The following BRCA1 variants were observed in gnomAD, a reference collection of about 807,000 sequenced individuals.
BRCA1 encodes breast cancer type 1 susceptibility protein.
In BRCA1, 140 loss-of-function variants were observed where a neutral mutation model predicts 173.7. That is an observed-to-expected ratio of 0.81 (90% CI 0.70 to 0.93). The LOEUF (loss-of-function observed/expected upper bound fraction) is 0.93. Among genes scored for constraint, BRCA1 ranks in the 40% least tolerant of loss-of-function variants. BRCA1 has a pLI of 0.00. For synonymous variants in BRCA1, 662 were observed against 756.0 expected (o/e 0.88, Z 2.04); for missense variants, 1,983 against 2,172.5 (o/e 0.91, Z 1.73).
upstream of BRCA1, among the ~76,000 whole-genome samples, chr17:43,126,696 G>A (rs1017963160): frequency 6.6e-6 from 1 of 152,114 alleles, no homozygotes; most frequent in African/African-American, 2.4e-5. Flanking sequence ...AGCAGCCCTC[G>A]CTCGCTCTCG....
rs879255289 is a variant in BRCA1 at position 43,106,499 on chromosome 17, C to G, written c.169G>C (p.Gly57Arg). 6.2e-7 allele frequency: 1 copy of G among 1,604,380 alleles called. No individual in the cohort carries two copies. The highest frequency in any genetic ancestry group is 2.2e-5 in the East Asian group (1 of 44,768). ...CMLKLLNQKK[G>R]PSQCPLCKND... ...TTACATAAAGGACACTGTGAAGGCC[C>G]TTTCTTCTGGTTGAGAAGTTTCAGC... Residue 57 changes from glycine (G) to arginine (R), a missense_variant, in exon 4 of 23, where the codon GGG (glycine) becomes CGG (arginine). By Grantham distance (125) the Gly-to-Arg change is moderately radical. Transcript: ENST00000357654.
rs2051943729 is a variant in BRCA1 at position 43,064,009 on chromosome 17, G to C, written c.5075-58C>G. On this transcript the variant is annotated intron_variant, in intron 16 of 22. Coordinates refer to ENST00000357654, the MANE Select transcript of BRCA1 (RefSeq NM_007294.4). ...GTTGAAAACAAAATCAGGAAGTGCT[G>C]TCCTAAGAAGCTAAAGAGCCTCAGT... The C allele has an allele frequency of 2.0e-6, 3 of 1,491,820 alleles. No homozygotes were observed. The East Asian group carries it at 6.8e-5, about 34-fold the overall frequency. The allele number at this position is 1,491,820 out of a possible 1,614,324, so 92.4% of individuals were successfully genotyped here.
At chr17:43,156,396 T>C (rs1372225649) in intron 1 of BRCA1, among the ~76,000 whole-genome samples, 1 of 152,212 alleles carries the variant, frequency 6.6e-6, no homozygotes, top group Non-Finnish European at 1.5e-5. Context: ...GGGTTTCTAC[T>C]ACCAGTTGTG....
intron 1 of BRCA1, chr17:43,139,791 G>C (rs1472395680): frequency 2.2e-6 from 1 of 454,268 alleles, no homozygotes; most frequent in Admixed American, 2.4e-5. Context: ...AACGTGTGGT[G>C]TTTGGTTTTC....
intron 19 of BRCA1, among the ~76,000 whole-genome samples, chr17:43,052,821 ACACTCT>A (rs1285460585): frequency 2.4e-5 from 2 of 83,596 alleles, no homozygotes; most frequent in Non-Finnish European, 5.7e-5. Flanking sequence ...ACACACACAC[ACACTCT>A]CTTACTTTAC....
chr17:43,079,884 T>A, intron 12 of BRCA1: 2 of 651,720 alleles, frequency 3.1e-6, no homozygotes, highest in Non-Finnish European at 5.4e-6. Context: ...CTTACTACAA[T>A]GGGCCTCATG....
At position 43,091,933 on chromosome 17, in the gene BRCA1, G is replaced by A. The variant is rs62625307; in HGVS notation, c.3598C>T (p.Gln1200Ter). Residue 1200 changes from glutamine (Q) to a stop codon, truncating the protein, a stop_gained, in exon 10 of 23, where the codon CAG becomes TAG. Coordinates refer to ENST00000357654, the MANE Select transcript of BRCA1 (RefSeq NM_007294.4). LOFTEE classifies it high-confidence loss of function. ...TTCTTGGCCCCTCTTCGGTAACCCT[G>A]AGCCAAATGTGTATGGGTGAAAGGG... ...PSPFTHTHLA[Q>*]GYRRGAKKLE... The A allele has an allele frequency of 2.5e-6, 4 of 1,614,098 alleles. No homozygotes were observed. Among genetic ancestry groups the A allele is most frequent in the South Asian group, 1.1e-5 (1 of 91,078 alleles).
chr17:43,169,837 C>T (rs2154581816), intron 1 of BRCA1: 1 of 304,654 alleles, frequency 3.3e-6, no homozygotes, highest in Non-Finnish European at 6.5e-6. Flanking sequence ...GTCCCCCGTC[C>T]AGAACGTCTC....
chr17:43,089,677 T>G, intron 11 of BRCA1, among the ~76,000 whole-genome samples: 1 of 151,656 alleles, frequency 6.6e-6, no homozygotes, highest in African/African-American at 2.4e-5. Flanking sequence ...CCTCCCATCT[T>G]TCTTTTTTTT....
chr17:43,150,202 T>C (rs577799469), intron 1 of BRCA1, among the ~76,000 whole-genome samples: 1 of 152,264 alleles, frequency 6.6e-6, no homozygotes, highest in Non-Finnish European at 1.5e-5. Flanking sequence ...CTGAACCTCC[T>C]GGGCTCAAGC....
At chr17:43,086,101 CACAT>C (rs1372624491) in intron 11 of BRCA1, among the ~76,000 whole-genome samples, 1 of 130,724 alleles carries the variant, frequency 7.6e-6, no homozygotes, top group East Asian at 2.2e-4. Flanking sequence ...TTTATTTTAT[CACAT>C]ACATACACAC....
At chr17:43,104,727 T>A (rs1464871725) in intron 5 of BRCA1, 141 bp downstream of exon 5, 2 of 755,142 alleles carry the variant, frequency 2.6e-6, no homozygotes, top group Non-Finnish European at 4.5e-6. Flanking sequence ...AGTAATTTTT[T>A]AAAAATAGAT....
Position 43,045,515 on chromosome 17 carries a change from C to G in BRCA1, c.*163G>C, listed in dbSNP as rs971113306. 1 of 1,113,358 alleles carries G rather than the reference C, an allele frequency of 9.0e-7. No homozygotes were observed. 69.0% of individuals were successfully genotyped at this position (1,113,358 alleles called of 1,614,324 possible). A position where few individuals can be genotyped will look rare whatever the true frequency, so the allele number is the denominator to read the frequency against. ...TTCAAGCAGAAAATCTTTAAGGGAC[C>G]CTTGCATAGCCAGAAGTCCTTTTCA... On this transcript the variant is annotated 3_prime_UTR_variant, in exon 23 of 23. Coordinates refer to ENST00000357654, the MANE Select transcript of BRCA1 (RefSeq NM_007294.4).
upstream of BRCA1, among the ~76,000 whole-genome samples, chr17:43,129,541 C>T (rs1229135658): frequency 3.3e-5 from 5 of 152,066 alleles, no homozygotes; most frequent in Non-Finnish European, 5.9e-5. Context: ...ACGATCGCGG[C>T]TAGTGCACTG....
At chr17:43,159,458 GCTC>G (rs994669250) in intron 1 of BRCA1, 2 of 164,782 alleles carry the variant, frequency 1.2e-5, no homozygotes, top group Non-Finnish European at 2.6e-5. Context: ...GGGCTGAGAC[GCTC>G]CTCACTTCCC....
At chr17:43,053,445 G>A (rs997289245) in intron 19 of BRCA1, among the ~76,000 whole-genome samples, 1 of 151,628 alleles carries the variant, frequency 6.6e-6, no homozygotes, top group Non-Finnish European at 1.5e-5. Context: ...GGCGGATCAC[G>A]AGGTCAAGAG....
intron 19 of BRCA1, among the ~76,000 whole-genome samples, chr17:43,051,350 T>C (rs1253310318): frequency 6.6e-6 from 1 of 152,200 alleles, no homozygotes; most frequent in African/African-American, 2.4e-5. Context: ...GTAGTTGACC[T>C]GCACTCTACA....
rs799923 is a variant in BRCA1, at chr17:43,099,914, G to A, written c.442-34C>T. 314,168 of 1,516,640 alleles carry A rather than the reference G, an allele frequency of 0.21. 35,728 individuals carry two copies. Among genetic ancestry groups the A allele is most frequent in the Non-Finnish European group, 0.24 (256,797 of 1,091,736 alleles). The allele number at this position is 1,516,640 out of a possible 1,614,324, so 93.9% of individuals were successfully genotyped here. On this transcript the variant is annotated intron_variant, in intron 6 of 22. Transcript: ENST00000357654. ...TATGGTAAAGAACAGTCAAGCAATT[G>A]TTGGCCAGTTCTGTGCTTTTCCTCC...
At position 43,051,105 on chromosome 17, in the gene BRCA1, G is replaced by A. The variant is rs1295469179; in HGVS notation, c.5290C>T (p.Leu1764=). The A allele has an allele frequency of 2.5e-6, 4 of 1,614,016 alleles. No individual in the cohort carries two copies. Residue 1764 remains leucine (L), a synonymous_variant, in exon 20 of 23, where the codon CTA becomes TTA. Transcript: ENST00000357654. Reference sequence around the variant, plus strand: ...AAGGGCCCATAGCAACAGATTTCTAGCCCCCTGAAGATCTGGAAGAAGAGA... The same window carrying A: ...AAGGGCCCATAGCAACAGATTTCTAACCCCCTGAAGATCTGGAAGAAGAGA... ...ESQDRKIFRG[L]EICCYGPFTN...
Sources: gnomAD v4.1 joint callset for allele counts (sites outside exome capture counted in the v4.1 genomes callset) on GRCh38, gnomAD v4.1.1 for gene constraint, MANE v1.5 for transcripts, NCBI Gene and HGNC (gene_info 2026-07-23, HGNC 2026-07-21) for gene names.